Variants in BIRC2 observed in about 807,000 individuals in gnomAD.
BIRC2 encodes the protein baculoviral IAP repeat containing 2.
Under a neutral mutation model 60.9 loss-of-function variants are expected in BIRC2, and 18 were observed. That is an observed-to-expected ratio of 0.30 (90% confidence interval 0.20 to 0.44). The LOEUF is 0.44. Ranked by LOEUF, BIRC2 falls within the 20% of genes least tolerant of loss-of-function variation. BIRC2 has a pLI of 1.00. For missense variants in BIRC2, 701 were observed against 728.5 expected, an observed-to-expected ratio of 0.96 and a Z score of 0.43; for synonymous variants, 282 against 247.7, an observed-to-expected ratio of 1.14 and a Z score of -1.30.
intron 6 of BIRC2, among the ~76,000 whole-genome samples, chr11:102,376,483 C>A (rs1487361512): frequency 6.6e-6 from 1 of 152,144 alleles, no homozygotes; most frequent in Non-Finnish European, 1.5e-5. Context: ...AGATAGGCTT[C>A]TGTTTTTATA....
chr11:102,374,815 C>G lies in BIRC2; in HGVS notation c.1367-2681C>G, dbSNP rs772233275. ...CTCAGACTGCTGTGCTAGCAATCAG[C>G]GAGACTCCGTGGGCGTAGGACCCTC... On this transcript the variant is annotated intron_variant, in intron 6 of 8. Coordinates refer to ENST00000227758, the MANE Select transcript of BIRC2 (RefSeq NM_001166.5). 3.9e-5 allele frequency among the ~76,000 whole-genome samples: 6 copies of G among 152,278 alleles called. No homozygotes were observed. The South Asian group carries it at 8.3e-4, about 21-fold the overall frequency.
At chr11:102,367,466 G>A (rs1316682060) in intron 5 of BIRC2, among the ~76,000 whole-genome samples, 3 of 152,046 alleles carry the variant, frequency 2.0e-5, no homozygotes, top group African/African-American at 4.8e-5. Flanking sequence ...CTTCGGACAC[G>A]GATTCCACGC....
chr11:102,376,458 G>T lies in BIRC2; in HGVS notation c.1367-1038G>T, dbSNP rs12283923. Among the ~76,000 whole-genome samples the T allele has an allele frequency of 9.4e-3, 1,432 of 152,312 alleles. 22 individuals carry two copies. The highest frequency in any genetic ancestry group is 0.033 in the African/African-American group (1,359 of 41,550). ...TAGAGCAGTTCACTTCTAGAGAGAT[G>T]TAAAAGGGGAAAGAAGATAGGCTTC... On this transcript the variant is annotated intron_variant, in intron 6 of 8. Coordinates refer to ENST00000227758, the MANE Select transcript of BIRC2 (RefSeq NM_001166.5).
intron 5 of BIRC2, among the ~76,000 whole-genome samples, chr11:102,365,467 C>T (rs972939176): frequency 1.3e-5 from 2 of 152,222 alleles, no homozygotes; most frequent in African/African-American, 4.8e-5. Context: ...CATTCTTTCA[C>T]TTGTTCTGCT....
intron 3 of BIRC2, among the ~76,000 whole-genome samples, chr11:102,358,431 C>G (rs893110194): frequency 1.1e-4 from 16 of 152,140 alleles, no homozygotes; most frequent in Admixed American, 1.0e-3. Flanking sequence ...CAAAACACTT[C>G]TAGTCCCAAG....
At chr11:102,361,786 A>G (rs952427721) in intron 3 of BIRC2, among the ~76,000 whole-genome samples, 7 of 151,216 alleles carry the variant, frequency 4.6e-5, no homozygotes, top group African/African-American at 1.7e-4. Context: ...AGCCATCTCC[A>G]GATGTCTCTG....
At chr11:102,365,400 A>T (rs1591539156) in intron 5 of BIRC2, among the ~76,000 whole-genome samples, 1 of 152,166 alleles carries the variant, frequency 6.6e-6, no homozygotes, top group African/African-American at 2.4e-5. Context: ...TTCCCTTTAC[A>T]ACAAAATACC....
chr11:102,349,119 G>C lies in BIRC2; in HGVS notation c.-736G>C, dbSNP rs934556733. The C allele has an allele frequency of 6.6e-6, 1 of 152,544 alleles. No homozygotes were observed. Among genetic ancestry groups the C allele is most frequent in the African/African-American group, 2.4e-5 (1 of 41,446 alleles). 9.4% of individuals were successfully genotyped at this position (152,544 alleles called of 1,614,324 possible). A position where few individuals can be genotyped will look rare whatever the true frequency, so the allele number is the denominator to read the frequency against. ...ATACAAATGATATTTAACAAAGATA[G>C]AGTTTACAGTTTTTGAACTTTAAGC... On this transcript the variant is annotated 5_prime_UTR_variant, in exon 2 of 9. Transcript: ENST00000227758.
chr11:102,349,679 A>T lies in BIRC2; in HGVS notation c.-176A>T, dbSNP rs1951331406. Reference sequence around the variant, plus strand: ...GTTGTGTTCTAAGTAGTATCTTGGTAATTCAGAGAGATACTCATCCTACCT... The same window carrying T: ...GTTGTGTTCTAAGTAGTATCTTGGTTATTCAGAGAGATACTCATCCTACCT... On this transcript the variant is annotated 5_prime_UTR_variant, in exon 2 of 9. Transcript: ENST00000227758. 3.1e-6 allele frequency: 2 copies of T among 645,532 alleles called. No individual in the cohort carries two copies. The highest frequency in any genetic ancestry group is 6.4e-5 in the Admixed American group (2 of 31,470). 40.0% of individuals were successfully genotyped at this position (645,532 alleles called of 1,614,324 possible). A position where few individuals can be genotyped will look rare whatever the true frequency, so the allele number is the denominator to read the frequency against.
chr11:102,372,409 C>T (rs1951643579), intron 6 of BIRC2, among the ~76,000 whole-genome samples: 1 of 152,100 alleles, frequency 6.6e-6, no homozygotes, highest in Admixed American at 6.5e-5. Context: ...TTTATTTCTG[C>T]CTTCATTTCG....
chr11:102,349,943 A>T lies in BIRC2; in HGVS notation c.89A>T (p.Asp30Val). ...ATGGAAGATAGCACGATCTTGTCAG[A>T]TTGGACAAACAGCAACAAACAAAAA... Reference protein sequence around the residue: ...SIMEDSTILSDWTNSNKQKMK... With the variant: ...SIMEDSTILSVWTNSNKQKMK... Residue 30 changes from aspartate to valine, a missense_variant, in exon 2 of 9, where the codon GAT becomes GTT. Asp to Val is a radical substitution (Grantham distance 152). Around this residue, in one of 4 missense-constraint regions of BIRC2, gnomAD observed 375 missense variants for 365.9 expected, o/e 1.02. Coordinates refer to ENST00000227758, the MANE Select transcript of BIRC2 (RefSeq NM_001166.5). 6.2e-7 allele frequency: 1 copy of T among 1,614,230 alleles called. No homozygotes were observed. Among genetic ancestry groups the T allele is most frequent in the Non-Finnish European group, 8.5e-7 (1 of 1,180,034 alleles).
At chr11:102,354,095 A>C (rs1951393212) in intron 3 of BIRC2, among the ~76,000 whole-genome samples, 1 of 152,180 alleles carries the variant, frequency 6.6e-6, no homozygotes, top group African/African-American at 2.4e-5. Context: ...GTAAATGGAC[A>C]TGTGCAGTTC....
intron 1 of BIRC2, among the ~76,000 whole-genome samples, chr11:102,348,008 T>C (rs549154749): frequency 5.2e-4 from 79 of 152,352 alleles, no homozygotes; most frequent in Non-Finnish European, 9.7e-4. Flanking sequence ...CCAGTGGTCG[T>C]AGTGCCGGAG....
intron 5 of BIRC2, among the ~76,000 whole-genome samples, chr11:102,366,989 G>A (rs12275349): frequency 0.061 from 9,328 of 152,206 alleles, 333 homozygotes; most frequent in Non-Finnish European, 0.081. Context: ...TACACTTGCT[G>A]TTCTCTTTGC....
chr11:102,358,638 T>G (rs1270615277), intron 3 of BIRC2, among the ~76,000 whole-genome samples: 2 of 152,200 alleles, frequency 1.3e-5, no homozygotes, highest in African/African-American at 4.8e-5. Context: ...CTCTGTTTAT[T>G]TAGGTGGTCT....
At chr11:102,368,264 A>T (rs1189581449) in intron 5 of BIRC2, 42 bp from the exon 6 acceptor site, 1 of 1,589,018 alleles carries the variant, frequency 6.3e-7, no homozygotes, top group African/African-American at 1.4e-5. Flanking sequence ...CCATAGGTTT[A>T]TGTTTGTGGA....
At position 102,350,687 on chromosome 11, in the gene BIRC2, A is replaced by C. The variant is rs547454503; in HGVS notation, c.833A>C (p.Tyr278Ser). ...GCAGCTCGAATGAGAACATTTATGT[A>C]CTGGCCATCTAGTGTTCCAGTTCAG... is the stretch of plus-strand genomic sequence containing the variant. ...THAARMRTFM[Y>S]WPSSVPVQPE... The change falls in exon 2 of 9, where the codon TAC becomes TCC. Residue 278 changes from tyrosine to serine, a missense_variant. Physicochemically the swap from Tyr to Ser is moderately radical, Grantham distance 144. Transcript: ENST00000227758. 1 of 1,613,430 alleles carries C rather than the reference A, an allele frequency of 6.2e-7. No individual in the cohort carries two copies. The highest frequency in any genetic ancestry group is 8.5e-7 in the Non-Finnish European group (1 of 1,179,902).
At chr11:102,357,928 G>A (rs976891943) in intron 3 of BIRC2, among the ~76,000 whole-genome samples, 49 of 151,714 alleles carry the variant, frequency 3.2e-4, no homozygotes, top group African/African-American at 1.0e-3. Flanking sequence ...TTGCTATGTC[G>A]CATTTCAATT....
chr11:102,369,706 T>C (rs2135819631), intron 6 of BIRC2, among the ~76,000 whole-genome samples: 1 of 148,316 alleles, frequency 6.7e-6, no homozygotes, highest in African/African-American at 2.5e-5. Context: ...GGTCAAATGG[T>C]ATTTCTAGTT....
Sources: allele counts gnomAD v4.1 joint callset (sites outside exome capture counted in the v4.1 genomes callset), GRCh38; gene constraint gnomAD v4.1.1; regional missense constraint gnomAD v4.1.1; transcripts MANE v1.5; gene names NCBI Gene and HGNC (gene_info 2026-07-23, HGNC 2026-07-21).